RXFP1: variants seen among roughly 807,000 people sequenced by gnomAD.
RXFP1 encodes relaxin receptor 1.
In RXFP1, 73 loss-of-function variants were observed where a neutral mutation model predicts 89.8. That is an observed-to-expected ratio of 0.81 (90% CI 0.67 to 0.99). The LOEUF (loss-of-function observed/expected upper bound fraction) is 0.99, where lower values mean the gene tolerates loss of function less well. RXFP1 is among the 50% of genes least tolerant of loss of function. RXFP1 has a pLI of 0.00. For synonymous variants in RXFP1, 277 were observed against 305.5 expected (o/e 0.91, Z 0.97); for missense variants, 793 against 895.5 (o/e 0.89, Z 1.46).
chr4:158,572,706 G>A lies in RXFP1; in HGVS notation c.58G>A (p.Gly20Arg). ...ILIFGKYFSH[G>R]GGQDVKCSLG... ...TCTCCCCTTTTCCTCAGTTTCTCAT[G>A]GGGGTGGACAGGATGTCAAGTGCTC... The change falls in exon 2 of 18, where the codon GGG becomes AGG. Residue 20 changes from glycine (G) to arginine (R), a missense_variant. Transcript: ENST00000307765. 2 of 1,614,070 alleles carry A rather than the reference G, an allele frequency of 1.2e-6. No individual in the cohort carries two copies. The highest frequency in any genetic ancestry group is 4.5e-5 in the East Asian group (2 of 44,876).
intron 1 of RXFP1, among the ~76,000 whole-genome samples, chr4:158,558,583 C>T (rs546542859): frequency 6.6e-6 from 1 of 152,024 alleles, no homozygotes; most frequent in South Asian, 2.1e-4. Flanking sequence ...GGTGGGGAGC[C>T]ACAAAAGATA....
In RXFP1 at chr4:158,633,930, A is replaced by G. The variant is rs1768612535; in HGVS notation, c.971+454A>G. Among the ~76,000 whole-genome samples the G allele has an allele frequency of 2.6e-5, 4 of 152,308 alleles. No homozygotes were observed. In the South Asian group the frequency reaches 6.2e-4, roughly 24 times the overall value. ...TATTGCAGTGTTTATTCACCCATCAATGGACATTTTAGTTGCTTCCATCTT... is the reference window on the plus strand; with the variant it reads ...TATTGCAGTGTTTATTCACCCATCAGTGGACATTTTAGTTGCTTCCATCTT... On this transcript the variant is annotated intron_variant, in intron 12 of 17. Coordinates refer to ENST00000307765, the MANE Select transcript of RXFP1 (RefSeq NM_021634.4).
chr4:158,648,841 A>T (rs1017958100), intron 17 of RXFP1, 124 bp downstream of exon 17: 1 of 658,586 alleles, frequency 1.5e-6, no homozygotes, highest in Non-Finnish European at 2.5e-6. Flanking sequence ...ATCCGAGCAC[A>T]GTGGCTCATG....
At position 158,602,932 on chromosome 4, in the gene RXFP1, T is replaced by A. The variant is rs1347574134; in HGVS notation, c.393-2136T>A. Among the ~76,000 whole-genome samples, 3 of 152,212 alleles carry A rather than the reference T, an allele frequency of 2.0e-5. No homozygotes were observed. In the East Asian group the frequency reaches 5.8e-4, roughly 29 times the overall value. On this transcript the variant is annotated intron_variant, in intron 4 of 17. Transcript: ENST00000307765. ...TAAATCAAACTCAGGTTTTTTTGTT[T>A]GTTTGTTTTTTGTAAACAGACAGGG...
At chr4:158,631,063 A>G (rs1408727521) in intron 11 of RXFP1, among the ~76,000 whole-genome samples, 1 of 152,150 alleles carries the variant, frequency 6.6e-6, no homozygotes, top group Admixed American at 6.5e-5. Flanking sequence ...ACTTTCCTAA[A>G]CTTAAGCTGA....
At chr4:158,638,810 T>TC (rs1554022959) in intron 13 of RXFP1, among the ~76,000 whole-genome samples, 210 of 26,846 alleles carry the variant, frequency 7.8e-3, no homozygotes, top group Middle Eastern at 0.02. Context: ...AGACCCTGTC[T>TC]CAAAAAAAAA....
At chr4:158,551,802 A>G (rs1902216) in intron 1 of RXFP1, among the ~76,000 whole-genome samples, 146,001 of 152,174 alleles carry the variant, frequency 0.96, 70,293 homozygotes, top group East Asian at 1. Flanking sequence ...TTATCCAGGT[A>G]TGGTGGCATG....
chr4:158,652,187 G>A lies in RXFP1; in HGVS notation c.*132G>A. The A allele has an allele frequency of 2.8e-6, 2 of 722,434 alleles. No homozygotes were observed. The highest frequency in any genetic ancestry group is 4.2e-6 in the Non-Finnish European group (2 of 476,956). 44.8% of individuals were successfully genotyped at this position (722,434 alleles called of 1,614,324 possible). A position where few individuals can be genotyped will look rare whatever the true frequency, so the allele number is the denominator to read the frequency against. ...GATAAATATTTTACAAGGACATGAG[G>A]AAAAATAAAAATGACTAATGCTCTT... is the stretch of plus-strand genomic sequence containing the variant. On this transcript the variant is annotated 3_prime_UTR_variant, in exon 18 of 18. Coordinates refer to ENST00000307765, the MANE Select transcript of RXFP1 (RefSeq NM_021634.4).
At chr4:158,630,730 C>T (rs1767875147) in intron 11 of RXFP1, among the ~76,000 whole-genome samples, 1 of 152,156 alleles carries the variant, frequency 6.6e-6, no homozygotes, top group African/African-American at 2.4e-5. Flanking sequence ...TAAACACTTA[C>T]CTGAAAAATC....
At chr4:158,547,739 T>G (rs1181105382) in intron 1 of RXFP1, among the ~76,000 whole-genome samples, 1 of 152,196 alleles carries the variant, frequency 6.6e-6, no homozygotes, top group Non-Finnish European at 1.5e-5. Flanking sequence ...AGTTGTTCAG[T>G]TTCCATGTAG....
At chr4:158,603,927 A>ATAC (rs1328836818) in intron 4 of RXFP1, among the ~76,000 whole-genome samples, 1 of 146,738 alleles carries the variant, frequency 6.8e-6, no homozygotes, top group Non-Finnish European at 1.5e-5. Context: ...AATAATAATA[A>ATAC]TACAGATATA....
At chr4:158,612,045 A>T in intron 6 of RXFP1, 85 bp from the exon 7 acceptor site, 1 of 1,150,162 alleles carries the variant, frequency 8.7e-7, no homozygotes, top group Non-Finnish European at 1.2e-6. Context: ...TAAAAAATTT[A>T]AGATGGATGA....
At chr4:158,593,100 C>T (rs865907472) in intron 2 of RXFP1, among the ~76,000 whole-genome samples, 1 of 109,762 alleles carries the variant, frequency 9.1e-6, no homozygotes, top group Non-Finnish European at 1.6e-5. Context: ...AAAAAAAAAA[C>T]AAAAACAAAC....
intron 12 of RXFP1, among the ~76,000 whole-genome samples, chr4:158,635,425 T>C (rs892780092): frequency 6.6e-6 from 1 of 152,232 alleles, no homozygotes; most frequent in Non-Finnish European, 1.5e-5. Context: ...TAGTTAAATC[T>C]TTAGGATATT....
intron 1 of RXFP1, among the ~76,000 whole-genome samples, chr4:158,560,063 C>A (rs1752112562): frequency 6.6e-6 from 1 of 152,214 alleles, no homozygotes; most frequent in African/African-American, 2.4e-5. Context: ...GCTTTTTCTC[C>A]TTCAGCTGCA....
At chr4:158,595,140 C>T (rs1365987315) in intron 3 of RXFP1, among the ~76,000 whole-genome samples, 1 of 152,140 alleles carries the variant, frequency 6.6e-6, no homozygotes, top group African/African-American at 2.4e-5. Context: ...CCACAGTTTA[C>T]CTTTTGCTAG....
At chr4:158,558,284 A>G (rs574732627) in intron 1 of RXFP1, among the ~76,000 whole-genome samples, 1 of 152,340 alleles carries the variant, frequency 6.6e-6, no homozygotes, top group South Asian at 2.1e-4. Flanking sequence ...ATGCACACAC[A>G]GCCGGGAGGA....
At chr4:158,561,333 C>A (rs145708220) in intron 1 of RXFP1, among the ~76,000 whole-genome samples, 2 of 152,230 alleles carry the variant, frequency 1.3e-5, no homozygotes, top group Non-Finnish European at 2.9e-5. Flanking sequence ...CACAAGATGC[C>A]ACAGTGGAAA....
chr4:158,535,767 G>C (rs891749408), intron 1 of RXFP1, among the ~76,000 whole-genome samples: 2 of 152,200 alleles, frequency 1.3e-5, no homozygotes, highest in African/African-American at 4.8e-5. Context: ...GACTGTGATA[G>C]GACCGGCCTT....
Sources: gnomAD v4.1 joint callset for allele counts (sites outside exome capture counted in the v4.1 genomes callset) on GRCh38, gnomAD v4.1.1 for gene constraint, MANE v1.5 for transcripts, NCBI Gene and HGNC (gene_info 2026-07-23, HGNC 2026-07-21) for gene names.